SLC35F4: variants seen among roughly 807,000 people sequenced by gnomAD.
SLC35F4 encodes chromosome 14 open reading frame 36.
SLC35F4 carries 24 observed loss-of-function variants against 44.2 expected under a neutral mutation model. The ratio of observed to expected loss-of-function variants is 0.54; its 90% CI spans 0.39 to 0.76. The LOEUF (loss-of-function observed/expected upper bound fraction) is 0.76, where lower values mean the gene tolerates loss of function less well. Among genes scored for constraint, SLC35F4 ranks in the 30% least tolerant of loss-of-function variants. SLC35F4 has a pLI of 0.00. For missense variants in SLC35F4, 562 were observed against 586.1 expected (o/e 0.96, Z 0.42); for synonymous variants, 238 against 223.6 (o/e 1.06, Z -0.57).
intron 1 of SLC35F4, among the ~76,000 whole-genome samples, chr14:57,963,564 T>C (rs1359948212): frequency 1.3e-5 from 2 of 152,058 alleles, no homozygotes; most frequent in East Asian, 3.9e-4. Context: ...CATCTGACTT[T>C]CGTGGAGTCG....
chr14:57,696,182 T>C (rs1254619408), intron 1 of SLC35F4, among the ~76,000 whole-genome samples: 2 of 152,110 alleles, frequency 1.3e-5, no homozygotes, highest in Non-Finnish European at 2.9e-5. Flanking sequence ...AATCTATCCT[T>C]CTGACAAAGG....
chr14:57,662,840 C>A (rs1190316658), intron 1 of SLC35F4, among the ~76,000 whole-genome samples: 1 of 152,094 alleles, frequency 6.6e-6, no homozygotes, highest in Non-Finnish European at 1.5e-5. Flanking sequence ...CTCTGAACAC[C>A]GAATGAACTG....
chr14:57,876,046 A>G (rs1481335101), intron 1 of SLC35F4, among the ~76,000 whole-genome samples: 2 of 152,202 alleles, frequency 1.3e-5, no homozygotes, highest in African/African-American at 2.4e-5. Flanking sequence ...GTTACCTGCA[A>G]CAACGAGATT....
chr14:57,711,507 T>C (rs1050380971), intron 1 of SLC35F4, among the ~76,000 whole-genome samples: 1 of 152,178 alleles, frequency 6.6e-6, no homozygotes, highest in African/African-American at 2.4e-5. Context: ...CCATTTTTTA[T>C]GTACAATAAT....
chr14:57,856,708 T>C (rs1887136857), intron 1 of SLC35F4, among the ~76,000 whole-genome samples: 1 of 152,068 alleles, frequency 6.6e-6, no homozygotes, highest in African/African-American at 2.4e-5. Flanking sequence ...TATTTGTTAC[T>C]GTTTACAAAA....
chr14:57,898,473 G>T (rs1888931612), intron 1 of SLC35F4, among the ~76,000 whole-genome samples: 1 of 152,184 alleles, frequency 6.6e-6, no homozygotes, highest in South Asian at 2.1e-4. Context: ...GAGGGTATGT[G>T]GGTGCTTTGA....
chr14:57,902,810 C>T lies in SLC35F4; in HGVS notation n.282+79103G>A, dbSNP rs1889030360. ...ACTCTTGAATGCTAATGAGCCTTCA[C>T]ATTTTGTGCCATCTGCATGGAAAGC... On this transcript the variant is annotated intron_variant and non_coding_transcript_variant, in intron 1 of 1. Coordinates refer to the SLC35F4 transcript ENST00000556568. 2.0e-5 allele frequency among the ~76,000 whole-genome samples: 3 copies of T among 152,260 alleles called. No individual in the cohort carries two copies. The South Asian group carries it at 6.2e-4, about 32-fold the overall frequency.
chr14:57,843,283 C>T (rs1885672772), intron 1 of SLC35F4, among the ~76,000 whole-genome samples: 1 of 152,224 alleles, frequency 6.6e-6, no homozygotes, highest in South Asian at 2.1e-4. Flanking sequence ...ACTGTCCTTC[C>T]TCTAATTGCC....
intron 1 of SLC35F4, among the ~76,000 whole-genome samples, chr14:57,878,501 C>G (rs1442788217): frequency 6.6e-6 from 1 of 152,154 alleles, no homozygotes; most frequent in South Asian, 2.1e-4. Context: ...ATTCTAAATT[C>G]CTGAATGAAC....
intron 1 of SLC35F4, among the ~76,000 whole-genome samples, chr14:57,614,629 G>A (rs2071702251): frequency 6.6e-6 from 1 of 152,246 alleles, no homozygotes; most frequent in South Asian, 2.1e-4. Context: ...GGAGGTGTGT[G>A]TGCATGTGAC....
chr14:57,572,492 C>G (rs775615429), intron 4 of SLC35F4, among the ~76,000 whole-genome samples: 12 of 151,928 alleles, frequency 7.9e-5, no homozygotes, highest in Non-Finnish European at 1.5e-4. Context: ...ATTAGAGAAG[C>G]ATGATATTGA....
chr14:57,722,597 G>A (rs758296909), intron 1 of SLC35F4, among the ~76,000 whole-genome samples: 8 of 152,082 alleles, frequency 5.3e-5, no homozygotes, highest in African/African-American at 7.2e-5. Flanking sequence ...TGGTGCCAGG[G>A]GCCAAGTAGT....
intron 1 of SLC35F4, among the ~76,000 whole-genome samples, chr14:57,635,737 G>C (rs138149352): frequency 0.022 from 3,302 of 152,200 alleles, 59 homozygotes; most frequent in South Asian, 0.072. Context: ...AATGCCATAA[G>C]AAATTATTTT....
At chr14:57,627,436 T>C (rs1019788021) in intron 1 of SLC35F4, among the ~76,000 whole-genome samples, 1 of 152,142 alleles carries the variant, frequency 6.6e-6, no homozygotes, top group Non-Finnish European at 1.5e-5. Flanking sequence ...ATTTATTCCT[T>C]GGACCAGGGC....
chr14:57,603,657 G>C (rs558698156), intron 1 of SLC35F4, among the ~76,000 whole-genome samples: 13 of 152,168 alleles, frequency 8.5e-5, no homozygotes, highest in Non-Finnish European at 1.9e-4. Flanking sequence ...AAATGGCAGC[G>C]TCTCAGCCAG....
At chr14:57,945,879 T>C (rs1255613751) in intron 1 of SLC35F4, among the ~76,000 whole-genome samples, 2 of 152,212 alleles carry the variant, frequency 1.3e-5, no homozygotes, top group Non-Finnish European at 2.9e-5. Context: ...ATTAGTGATG[T>C]TGAGTATTTT....
intron 1 of SLC35F4, among the ~76,000 whole-genome samples, chr14:57,726,259 A>G (rs2076200292): frequency 6.6e-6 from 1 of 152,130 alleles, no homozygotes; most frequent in Non-Finnish European, 1.5e-5. Flanking sequence ...AGGACTACAA[A>G]TGACCCAGAC....
chr14:57,754,974 G>C (rs1203618070), intron 1 of SLC35F4, among the ~76,000 whole-genome samples: 4 of 152,156 alleles, frequency 2.6e-5, no homozygotes, highest in Admixed American at 6.5e-5. Flanking sequence ...TCTGGCAAGA[G>C]AGTCAGTCTG....
intron 1 of SLC35F4, among the ~76,000 whole-genome samples, chr14:57,623,158 T>A (rs563625927): frequency 1.3e-5 from 2 of 152,000 alleles, no homozygotes; most frequent in African/African-American, 4.8e-5. Flanking sequence ...GAGGTTGCAA[T>A]CCTATTCTCT....
Sources: allele counts gnomAD v4.1 joint callset (sites outside exome capture counted in the v4.1 genomes callset), GRCh38; gene constraint gnomAD v4.1.1; transcripts MANE v1.5; gene names NCBI Gene and HGNC (gene_info 2026-07-23, HGNC 2026-07-21).